Variants in PTPRD observed in about 807,000 individuals in gnomAD.
PTPRD encodes protein tyrosine phosphatase receptor type D.
Under a neutral mutation model 214.5 loss-of-function variants are expected in PTPRD, and 34 were observed. The ratio of observed to expected loss-of-function variants is 0.16; its 90% CI spans 0.12 to 0.21. The LOEUF is 0.21. PTPRD is among the 10% of genes least tolerant of loss of function. The pLI is 1.00. For missense variants in PTPRD, 2,545 were observed against 2,398.7 expected (o/e 1.06, Z -1.27); for synonymous variants, 1,128 against 845.7 (o/e 1.33, Z -5.79).
intron 2 of PTPRD, among the ~76,000 whole-genome samples, chr9:10,419,479 G>T (rs1266645495): frequency 4.0e-5 from 6 of 151,780 alleles, no homozygotes; most frequent in African/African-American, 1.4e-4. Flanking sequence ...AAAAGACTGA[G>T]ATAAAGATAA....
At chr9:9,391,588 T>C (rs1347050255) in intron 9 of PTPRD, among the ~76,000 whole-genome samples, 4 of 152,194 alleles carry the variant, frequency 2.6e-5, no homozygotes, top group Admixed American at 2.6e-4. Context: ...AAAATCTGAA[T>C]TCTGTACATG....
intron 14 of PTPRD, among the ~76,000 whole-genome samples, chr9:8,593,278 C>T (rs1313690986): frequency 6.6e-6 from 1 of 152,162 alleles, no homozygotes. Context: ...AAAGTCAGCA[C>T]CTGATACAGA....
intron 14 of PTPRD, among the ~76,000 whole-genome samples, chr9:8,546,361 A>G (rs1359655542): frequency 6.6e-6 from 1 of 152,220 alleles, no homozygotes; most frequent in Non-Finnish European, 1.5e-5. Flanking sequence ...CAACTGCCCT[A>G]TAATGTTGTG....
At chr9:9,087,288 G>A (rs889960062) in intron 10 of PTPRD, among the ~76,000 whole-genome samples, 1 of 152,146 alleles carries the variant, frequency 6.6e-6, no homozygotes, top group Non-Finnish European at 1.5e-5. Flanking sequence ...TTCATAGTCA[G>A]AAATAGAATG....
chr9:10,054,118 T>C (rs1281112865), intron 3 of PTPRD, among the ~76,000 whole-genome samples: 1 of 152,106 alleles, frequency 6.6e-6, no homozygotes, highest in Non-Finnish European at 1.5e-5. Flanking sequence ...ATATAAAAAC[T>C]TGTCACCTGT....
chr9:9,088,330 G>A (rs1591400624), intron 10 of PTPRD, among the ~76,000 whole-genome samples: 1 of 151,742 alleles, frequency 6.6e-6, no homozygotes, highest in African/African-American at 2.4e-5. Context: ...GCTCACGCCT[G>A]TGGTCCCAGC....
At chr9:8,552,762 C>A (rs1296909496) in intron 14 of PTPRD, among the ~76,000 whole-genome samples, 1 of 152,090 alleles carries the variant, frequency 6.6e-6, no homozygotes, top group Non-Finnish European at 1.5e-5. Context: ...TGATAATGAC[C>A]ATAAATTTAA....
At chr9:8,689,583 C>T (rs905246131) in intron 12 of PTPRD, among the ~76,000 whole-genome samples, 2 of 152,148 alleles carry the variant, frequency 1.3e-5, no homozygotes, top group African/African-American at 2.4e-5. Context: ...TACGTATTCA[C>T]TACCATGAGA....
At chr9:9,622,265 G>A (rs2095269458) in intron 7 of PTPRD, among the ~76,000 whole-genome samples, 1 of 152,056 alleles carries the variant, frequency 6.6e-6, no homozygotes. Context: ...GATAAATAGG[G>A]TTATTTTCTG....
chr9:8,714,564 C>T (rs1037467443), intron 12 of PTPRD, among the ~76,000 whole-genome samples: 1 of 152,188 alleles, frequency 6.6e-6, no homozygotes. Context: ...TAATCCTTTA[C>T]ATTTTCTCCA....
chr9:9,507,221 G>A (rs980911231), intron 8 of PTPRD, among the ~76,000 whole-genome samples: 4 of 147,526 alleles, frequency 2.7e-5, no homozygotes, highest in African/African-American at 1.1e-4. Context: ...AATTTTGTCT[G>A]AAAAGAAGCA....
chr9:8,387,999 T>G (rs2087814517), intron 37 of PTPRD, among the ~76,000 whole-genome samples: 1 of 152,208 alleles, frequency 6.6e-6, no homozygotes, highest in East Asian at 1.9e-4. Flanking sequence ...TCAGTGTCAT[T>G]TTTATCTTAA....
At chr9:8,321,992 A>T (rs985337642) in intron 44 of PTPRD, among the ~76,000 whole-genome samples, 1 of 151,756 alleles carries the variant, frequency 6.6e-6, no homozygotes, top group Non-Finnish European at 1.5e-5. Context: ...AAATTTTTTC[A>T]TACTATTACA....
chr9:9,450,898 G>C (rs989326988), intron 8 of PTPRD, among the ~76,000 whole-genome samples: 1 of 147,568 alleles, frequency 6.8e-6, no homozygotes, highest in African/African-American at 2.5e-5. Context: ...AAAAATGATG[G>C]GCAAAAATAC....
chr9:8,497,628 C>G (rs1211532506), intron 25 of PTPRD, among the ~76,000 whole-genome samples: 2 of 152,090 alleles, frequency 1.3e-5, no homozygotes, highest in African/African-American at 2.4e-5. Context: ...AGATTAATAT[C>G]TTTCATTATA....
rs2093876615 is a variant in PTPRD, at chr9:9,463,674, G to A, written c.-236-66192C>T. ...AATTTTACATTCAGAGGGTACATATGCATGTTTTTTTACATGGGTATGTTG... is the reference window on the plus strand; with the variant it reads ...AATTTTACATTCAGAGGGTACATATACATGTTTTTTTACATGGGTATGTTG... On this transcript the variant is annotated intron_variant, in intron 8 of 45. Coordinates refer to ENST00000381196, the MANE Select transcript of PTPRD (RefSeq NM_002839.4). Among the ~76,000 whole-genome samples the A allele has an allele frequency of 2.6e-5, 4 of 151,864 alleles. No homozygotes were observed. The South Asian group carries it at 8.3e-4, about 32-fold the overall frequency.
intron 3 of PTPRD, among the ~76,000 whole-genome samples, chr9:10,308,113 T>C (rs1395200560): frequency 6.6e-6 from 1 of 152,082 alleles, no homozygotes; most frequent in Non-Finnish European, 1.5e-5. Flanking sequence ...CCTGTACTTT[T>C]CAGGTGTTAG....
intron 35 of PTPRD, among the ~76,000 whole-genome samples, chr9:8,434,792 A>G (rs2095273356): frequency 6.6e-6 from 1 of 152,108 alleles, no homozygotes; most frequent in African/African-American, 2.4e-5. Flanking sequence ...GGTGCTATTT[A>G]TGATTTGCCT....
rs895385582 is a variant in PTPRD, at chr9:8,607,515, C to T, written c.352+25802G>A. 9.9e-5 allele frequency among the ~76,000 whole-genome samples: 15 copies of T among 152,142 alleles called. No individual in the cohort carries two copies. In the South Asian group the frequency reaches 1.0e-3, roughly 11 times the overall value. On this transcript the variant is annotated intron_variant, in intron 14 of 45. Coordinates refer to ENST00000381196, the MANE Select transcript of PTPRD (RefSeq NM_002839.4). ...AAAATTAGCTGATCGTGGTGACACG[C>T]GCCTGTAATACCAGCTGCTCAGGAG...
Sources: gnomAD v4.1 joint callset for allele counts (sites outside exome capture counted in the v4.1 genomes callset) on GRCh38, gnomAD v4.1.1 for gene constraint, MANE v1.5 for transcripts, NCBI Gene and HGNC (gene_info 2026-07-23, HGNC 2026-07-21) for gene names.